NRG3: variants seen among roughly 807,000 people sequenced by gnomAD.
NRG3 encodes the protein neuregulin 3.
A neutral mutation model predicts 66.9 loss-of-function variants in NRG3; 31 were observed. The observed-to-expected ratio is 0.46, with a 90% CI of 0.35 to 0.63. The LOEUF is 0.63. Among genes scored for constraint, NRG3 ranks in the 20% least tolerant of loss-of-function variants. The pLI, the probability that NRG3 is intolerant of heterozygous loss-of-function variation, is 0.00. For synonymous variants in NRG3, 393 were observed against 359.4 expected, an observed-to-expected ratio of 1.09 and a Z score of -1.06; for missense variants, 910 against 878.9, an observed-to-expected ratio of 1.04 and a Z score of -0.45.
chr10:82,093,302 C>T (rs924958409), intron 1 of NRG3, among the ~76,000 whole-genome samples: 3 of 152,174 alleles, frequency 2.0e-5, no homozygotes, highest in African/African-American at 7.2e-5. Context: ...TTGAACTAAA[C>T]ATACCATTTA....
intron 2 of NRG3, among the ~76,000 whole-genome samples, chr10:82,566,901 G>C (rs1376783688): frequency 6.6e-6 from 1 of 152,022 alleles, no homozygotes. Context: ...TTGCTCTGCT[G>C]TGGGAACAAA....
At chr10:82,237,789 A>G (rs1328297356) in intron 1 of NRG3, among the ~76,000 whole-genome samples, 1 of 152,194 alleles carries the variant, frequency 6.6e-6, no homozygotes, top group Non-Finnish European at 1.5e-5. Context: ...AGGTTCTTAC[A>G]TGACTTTAAG....
At chr10:81,960,134 A>G (rs1850214262) in intron 1 of NRG3, among the ~76,000 whole-genome samples, 1 of 151,966 alleles carries the variant, frequency 6.6e-6, no homozygotes, top group Non-Finnish European at 1.5e-5. Context: ...TCTATTCACA[A>G]TCCTTCTTCA....
At chr10:82,669,295 TAAC>T (rs916023557) in intron 2 of NRG3, among the ~76,000 whole-genome samples, 1 of 149,758 alleles carries the variant, frequency 6.7e-6, no homozygotes, top group African/African-American at 2.4e-5. Flanking sequence ...TAATCAGAAA[TAAC>T]AAAGTAACTG....
In NRG3 at chr10:82,812,701, A is replaced by T. The variant is rs528391853; in HGVS notation, c.1028-52710A>T. Among the ~76,000 whole-genome samples, 22 of 152,354 alleles carry T rather than the reference A, an allele frequency of 1.4e-4. 1 individual carries two copies. The South Asian group carries it at 2.9e-3, about 20-fold the overall frequency. ...AAATTAGCATAAGAGTTATGAATGA[A>T]ACAAAACTCAGGACCATAGAAATAT... On this transcript the variant is annotated intron_variant, in intron 3 of 8. Coordinates refer to ENST00000372141, the MANE Select transcript of NRG3 (RefSeq NM_001010848.4).
At chr10:82,355,597 A>C in intron 1 of NRG3, among the ~76,000 whole-genome samples, 1 of 146,786 alleles carries the variant, frequency 6.8e-6, no homozygotes, top group East Asian at 2.1e-4. Flanking sequence ...TATGCTTATT[A>C]TTTAGTCAAG....
chr10:82,664,646 CA>C (rs2052620126), intron 2 of NRG3, among the ~76,000 whole-genome samples: 1 of 151,994 alleles, frequency 6.6e-6, no homozygotes, highest in Non-Finnish European at 1.5e-5. Context: ...GGAGGGTCTT[CA>C]GGGGGGTCCA....
At position 82,245,984 on chromosome 10, in the gene NRG3, T is replaced by TTCTG. The variant is rs1554859751; in HGVS notation, c.824-112754_824-112753insCTGT. 3.5e-3 allele frequency among the ~76,000 whole-genome samples: 496 copies of TTCTG among 141,070 alleles called. 2 individuals are homozygous for TTCTG. The highest frequency in any genetic ancestry group is 0.013 in the African/African-American group (478 of 36,676). The allele number at this position is 141,070 out of a possible 152,430, so 92.5% of individuals were successfully genotyped here. ...ATTTTTTCCCAGTCTTCTGGTTTTT[T>TTCTG]TTTTTTTTTTTTTTTTTAACTCAAC... On this transcript the variant is annotated intron_variant, in intron 1 of 8. Transcript: ENST00000372141.
At chr10:82,211,680 G>T (rs2075401334) in intron 1 of NRG3, among the ~76,000 whole-genome samples, 1 of 152,148 alleles carries the variant, frequency 6.6e-6, no homozygotes, top group African/African-American at 2.4e-5. Context: ...CCAGTCTTCA[G>T]GACTATTTGG....
At chr10:82,258,453 A>T (rs2077850979) in intron 1 of NRG3, among the ~76,000 whole-genome samples, 1 of 152,242 alleles carries the variant, frequency 6.6e-6, no homozygotes, top group Non-Finnish European at 1.5e-5. Context: ...TGAGGAATGA[A>T]AAATATGAAT....
At chr10:82,224,421 A>G (rs992510428) in intron 1 of NRG3, 1 of 152,226 alleles carries the variant, frequency 6.6e-6, no homozygotes, top group Non-Finnish European at 1.5e-5. Context: ...TAGAATGCAG[A>G]AAGCAGAATG....
intron 1 of NRG3, among the ~76,000 whole-genome samples, chr10:82,261,902 G>T (rs1486128813): frequency 1.3e-5 from 2 of 152,186 alleles, no homozygotes; most frequent in African/African-American, 4.8e-5. Flanking sequence ...GTGCTGCTGA[G>T]ATTTTGTTTA....
At chr10:82,203,487 T>C (rs1198873422) in intron 1 of NRG3, among the ~76,000 whole-genome samples, 2 of 152,160 alleles carry the variant, frequency 1.3e-5, no homozygotes, top group Non-Finnish European at 2.9e-5. Flanking sequence ...TTCACTGTCT[T>C]TTAAGAGGCT....
intron 2 of NRG3, among the ~76,000 whole-genome samples, chr10:82,429,935 A>G (rs2089687295): frequency 6.6e-6 from 1 of 152,136 alleles, no homozygotes; most frequent in Non-Finnish European, 1.5e-5. Flanking sequence ...TTTTATTTCA[A>G]TAATTGTACT....
intron 1 of NRG3, among the ~76,000 whole-genome samples, chr10:82,300,237 T>TTAATC: frequency 6.6e-6 from 1 of 151,728 alleles, no homozygotes; most frequent in Non-Finnish European, 1.5e-5. Context: ...TGAATTTGTC[T>TTAATC]TATTATAGCA....
chr10:82,373,716 A>G (rs1038105965), intron 2 of NRG3, among the ~76,000 whole-genome samples: 1 of 152,220 alleles, frequency 6.6e-6, no homozygotes, highest in African/African-American at 2.4e-5. Context: ...TAATTTTGCC[A>G]CAGTTTGGGG....
At chr10:82,000,604 C>T (rs1470137865) in intron 1 of NRG3, among the ~76,000 whole-genome samples, 1 of 152,190 alleles carries the variant, frequency 6.6e-6, no homozygotes, top group African/African-American at 2.4e-5. Flanking sequence ...AGTCAACTTA[C>T]TTATGTAAGG....
chr10:82,469,735 C>T (rs1279648882), intron 2 of NRG3, among the ~76,000 whole-genome samples: 1 of 152,112 alleles, frequency 6.6e-6, no homozygotes, highest in African/African-American at 2.4e-5. Context: ...CCTGCATGGG[C>T]ATGCAGACAT....
intron 1 of NRG3, among the ~76,000 whole-genome samples, chr10:82,060,238 T>A (rs1300461978): frequency 6.6e-6 from 1 of 152,210 alleles, no homozygotes; most frequent in East Asian, 1.9e-4. Context: ...TTTATTGTCT[T>A]CACAACAATT....
Sources: gnomAD v4.1 joint callset for allele counts (sites outside exome capture counted in the v4.1 genomes callset) on GRCh38, gnomAD v4.1.1 for gene constraint, MANE v1.5 for transcripts, NCBI Gene and HGNC (gene_info 2026-07-23, HGNC 2026-07-21) for gene names.